The following GPR146 variants were observed in gnomAD, a reference collection of about 807,000 sequenced individuals.
The protein encoded by GPR146 is G-protein coupled receptor 146.
For synonymous variants in GPR146, 203 were observed against 104.3 expected (o/e 1.95, Z -5.77); for missense variants, 381 against 213.9 (o/e 1.78, Z -4.87).
chr7:1,049,502 C>T (rs955111413), intron 1 of GPR146, among the ~76,000 whole-genome samples: 7 of 152,360 alleles, frequency 4.6e-5, no homozygotes, highest in African/African-American at 1.4e-4. Flanking sequence ...GCTCAGCCTG[C>T]AGTGCACATG....
At chr7:1,051,549 C>T (rs1258669055) in intron 1 of GPR146, among the ~76,000 whole-genome samples, 2 of 152,244 alleles carry the variant, frequency 1.3e-5, no homozygotes, top group African/African-American at 4.8e-5. Flanking sequence ...CAGGCCCAGC[C>T]TTGAAGCTGT....
At position 1,057,545 on chromosome 7, in the gene GPR146, A is replaced by G. The variant is rs927439072; in HGVS notation, c.30A>G (p.Thr10=). 3 of 773,798 alleles carry G rather than the reference A, an allele frequency of 3.9e-6. No homozygotes were observed. Among genetic ancestry groups the G allele is most frequent in the Non-Finnish European group, 7.2e-6 (3 of 416,974 alleles). The allele number at this position is 773,798 out of a possible 1,614,324, so 47.9% of individuals were successfully genotyped here. MWSCSWFNG[T]GLVEELPACQ... is the part of the protein sequence containing the mutation. ...GGAGCTGCAGCTGGTTCAACGGCAC[A>G]GGGCTGGTGGAGGAGCTGCCTGCCT... The change falls in exon 2 of 2, where the codon ACA becomes ACG. Residue 10 remains threonine, a synonymous_variant. Coordinates refer to ENST00000444847, the MANE Select transcript of GPR146 (RefSeq NM_001303473.2).
chr7:1,058,434 C>A lies in GPR146; in HGVS notation c.919C>A (p.Leu307Ile). 1.3e-6 allele frequency: 1 copy of A among 780,774 alleles called. No individual in the cohort carries two copies. Among genetic ancestry groups the A allele is most frequent in the Non-Finnish European group, 2.4e-6 (1 of 418,142 alleles). 48.4% of individuals were successfully genotyped at this position (780,774 alleles called of 1,614,324 possible). A position where few individuals can be genotyped will look rare whatever the true frequency, so the allele number is the denominator to read the frequency against. Residue 307 changes from leucine (L) to isoleucine (I), a missense_variant, in exon 2 of 2, where the codon CTC becomes ATC. Leu to Ile is a conservative substitution (Grantham distance 5). Coordinates refer to ENST00000444847, the MANE Select transcript of GPR146 (RefSeq NM_001303473.2). ...RYMNQSFPSK[L>I]QRLMKKLPCG... ...CATGAACCAGAGCTTCCCCAGCAAGCTCCAACGGCTGATGAAAAAGCTGCC... is the reference window on the plus strand; with the variant it reads ...CATGAACCAGAGCTTCCCCAGCAAGATCCAACGGCTGATGAAAAAGCTGCC...
chr7:1,057,588 G>T lies in GPR146; in HGVS notation c.73G>T (p.Gly25Trp). The T allele has an allele frequency of 1.3e-6, 1 of 771,974 alleles. No individual in the cohort carries two copies. Among genetic ancestry groups the T allele is most frequent in the Admixed American group, 1.7e-5 (1 of 58,326 alleles). The allele number at this position is 771,974 out of a possible 1,614,324, so 47.8% of individuals were successfully genotyped here. A position where few individuals can be genotyped will look rare whatever the true frequency, so the allele number is the denominator to read the frequency against. Residue 25 changes from glycine to tryptophan, a missense_variant, in exon 2 of 2, where the codon GGG (glycine) becomes TGG (tryptophan). Physicochemically the swap from Gly to Trp is radical, Grantham distance 184. Transcript: ENST00000444847. ...ELPACQDLQLGLSLLSLLGLV... is the reference protein window; with the variant it reads ...ELPACQDLQLWLSLLSLLGLV... Reference sequence around the variant, plus strand: ...GCCTGCCTGCCAGGACCTGCAGCTGGGGCTGTCACTGTTGTCGCTGCTGGG... The same window carrying T: ...GCCTGCCTGCCAGGACCTGCAGCTGTGGCTGTCACTGTTGTCGCTGCTGGG...
At chr7:1,055,115 C>G (rs1003271481) in intron 1 of GPR146, among the ~76,000 whole-genome samples, 24 of 152,212 alleles carry the variant, frequency 1.6e-4, no homozygotes, top group African/African-American at 5.8e-4. Flanking sequence ...CTCCATGAGC[C>G]AGGCTATCAG....
intron 1 of GPR146, among the ~76,000 whole-genome samples, chr7:1,053,211 C>T (rs868681935): frequency 4.6e-5 from 7 of 152,220 alleles, no homozygotes; most frequent in African/African-American, 9.6e-5. Flanking sequence ...AGGCTCCACC[C>T]GCCTGGGCCA....
At chr7:1,046,397 C>T (rs1782583391) in intron 1 of GPR146, among the ~76,000 whole-genome samples, 2 of 152,212 alleles carry the variant, frequency 1.3e-5, no homozygotes, top group African/African-American at 4.8e-5. Flanking sequence ...GTTTCCCAGC[C>T]ATTCCCTCCT....
At chr7:1,055,197 G>A in intron 1 of GPR146, 2 of 468,434 alleles carry the variant, frequency 4.3e-6, no homozygotes, top group South Asian at 3.1e-5. Flanking sequence ...CCTCGTTTCT[G>A]GAACCCGGCT....
chr7:1,053,927 T>G (rs949397078), intron 1 of GPR146, among the ~76,000 whole-genome samples: 1 of 152,242 alleles, frequency 6.6e-6, no homozygotes, highest in African/African-American at 2.4e-5. Flanking sequence ...AACCAGCTCC[T>G]GGAGGGCACT....
intron 1 of GPR146, among the ~76,000 whole-genome samples, chr7:1,046,955 G>A (rs953299179): frequency 3.9e-5 from 6 of 152,324 alleles, no homozygotes; most frequent in Middle Eastern, 3.4e-3. Context: ...CTAGTAAACC[G>A]GGGCTCGACT....
chr7:1,055,235 C>T (rs541941609), intron 1 of GPR146: 10 of 470,942 alleles, frequency 2.1e-5, no homozygotes, highest in Admixed American at 7.0e-5. Context: ...GGGGCGGTGG[C>T]GCCTGCCAAG....
chr7:1,047,154 C>G (rs1421145534), intron 1 of GPR146, among the ~76,000 whole-genome samples: 2 of 152,366 alleles, frequency 1.3e-5, no homozygotes, highest in Non-Finnish European at 2.9e-5. Context: ...CAAAAGAATG[C>G]TGTTCCACCT....
rs913828542 is a variant in GPR146 at position 1,058,310 on chromosome 7, C to T, written c.795C>T (p.Pro265=). The T allele has an allele frequency of 9.0e-6, 7 of 775,644 alleles. No individual in the cohort carries two copies. Among genetic ancestry groups the T allele is most frequent in the South Asian group, 6.7e-5 (5 of 74,630 alleles). 48.0% of individuals were successfully genotyped at this position (775,644 alleles called of 1,614,324 possible). The part of the protein sequence containing the change: ...GHTVIISRGK[P]VDAHYLGLLH... ...CGGTCATCATCTCGCGAGGGAAGCC[C>T]GTGGACGCACACTACCTGGGGCTAC... The change falls in exon 2 of 2, where the codon CCC becomes CCT. Residue 265 remains proline (P), a synonymous_variant. Coordinates refer to ENST00000444847, the MANE Select transcript of GPR146 (RefSeq NM_001303473.2).
chr7:1,050,881 G>T (rs1328207921), intron 1 of GPR146, among the ~76,000 whole-genome samples: 2 of 152,206 alleles, frequency 1.3e-5, no homozygotes, highest in African/African-American at 2.4e-5. Flanking sequence ...AGGGGGTCTC[G>T]GAGAAACTCT....
Position 1,044,657 on chromosome 7 carries a change from C to T in GPR146, c.-26C>T, listed in dbSNP as rs1269249803. 6.6e-6 allele frequency: 1 copy of T among 151,978 alleles called. No individual in the cohort carries two copies. The highest frequency in any genetic ancestry group is 1.5e-5 in the Non-Finnish European group (1 of 67,948). 9.4% of individuals were successfully genotyped at this position (151,978 alleles called of 1,614,324 possible). On this transcript the variant is annotated splice_region_variant and 5_prime_UTR_variant, in exon 1 of 2. Transcript: ENST00000444847. ...CTGCGCCGGCCGCCGCCCAGCAAGC[C>T]GGTGAGTGGGGCCCGGGAGCCTGGG... is the stretch of plus-strand genomic sequence containing the variant.
chr7:1,053,358 A>G (rs1047513810), intron 1 of GPR146, among the ~76,000 whole-genome samples: 3 of 152,116 alleles, frequency 2.0e-5, no homozygotes, highest in African/African-American at 7.2e-5. Context: ...GCAGGACAGG[A>G]CCCCGGCTAA....
At chr7:1,054,290 G>A (rs1387358695) in intron 1 of GPR146, among the ~76,000 whole-genome samples, 1 of 152,200 alleles carries the variant, frequency 6.6e-6, no homozygotes, top group African/African-American at 2.4e-5. Flanking sequence ...AACCTTCACT[G>A]GAAACAGAAA....
At chr7:1,055,016 T>C (rs1021647815) in intron 1 of GPR146, among the ~76,000 whole-genome samples, 2 of 152,034 alleles carry the variant, frequency 1.3e-5, no homozygotes, top group Non-Finnish European at 2.9e-5. Flanking sequence ...TGCATGGACC[T>C]GGACACGTGT....
intron 1 of GPR146, among the ~76,000 whole-genome samples, chr7:1,053,289 C>T (rs73267951): frequency 3.9e-5 from 6 of 152,220 alleles, no homozygotes; most frequent in Admixed American, 2.0e-4. Context: ...CCCCCTCACT[C>T]GGACGCAGGT....
Sources: allele counts gnomAD v4.1 joint callset (sites outside exome capture counted in the v4.1 genomes callset), GRCh38; gene constraint gnomAD v4.1.1; transcripts MANE v1.5; gene names NCBI Gene and HGNC (gene_info 2026-07-23, HGNC 2026-07-21).